The following SERINC5 variants were observed in gnomAD, a reference collection of about 807,000 sequenced individuals.
SERINC5 encodes serine incorporator 5.
A neutral mutation model predicts 63.1 loss-of-function variants in SERINC5; 41 were observed. The observed-to-expected ratio is 0.65, with a 90% CI of 0.51 to 0.84. The LOEUF (loss-of-function observed/expected upper bound fraction) is 0.84. SERINC5 is among the 40% of genes least tolerant of loss of function. The probability of loss-of-function intolerance (pLI) is 0.00; values close to 1 mark genes in which losing one functional copy is unlikely to be tolerated. For synonymous variants in SERINC5, 222 were observed against 215.2 expected (o/e 1.03, Z -0.28); for missense variants, 523 against 573.0 (o/e 0.91, Z 0.89).
At chr5:80,217,892 C>T (rs573111445) in intron 1 of SERINC5, among the ~76,000 whole-genome samples, 1 of 152,168 alleles carries the variant, frequency 6.6e-6, no homozygotes, top group South Asian at 2.1e-4. Flanking sequence ...TGATTTGGCT[C>T]AAGGACAAAT....
chr5:80,177,738 G>A, intron 3 of SERINC5, 148 bp downstream of exon 3: 4 of 665,980 alleles, frequency 6.0e-6, no homozygotes, highest in Non-Finnish European at 1.0e-5. Flanking sequence ...CAACCATGTG[G>A]GTAAGTATCA....
intron 2 of SERINC5, among the ~76,000 whole-genome samples, chr5:80,191,739 A>G (rs1341376267): frequency 1.3e-5 from 2 of 151,822 alleles, no homozygotes; most frequent in African/African-American, 4.8e-5. Context: ...TTATTCCAAA[A>G]TGCCATATAG....
downstream of SERINC5, among the ~76,000 whole-genome samples, chr5:80,135,409 G>A (rs1008556299): frequency 9.2e-5 from 14 of 152,192 alleles, no homozygotes; most frequent in South Asian, 1.0e-3. Context: ...GTCCAGCTGT[G>A]TGTGGATAAG....
chr5:80,215,468 C>G (rs1339778375), intron 1 of SERINC5, among the ~76,000 whole-genome samples: 1 of 152,248 alleles, frequency 6.6e-6, no homozygotes, highest in African/African-American at 2.4e-5. Context: ...TATAGTAATG[C>G]AAGAACAGAT....
At chr5:80,232,099 C>CT (rs777007916) in intron 1 of SERINC5, among the ~76,000 whole-genome samples, 7 of 77,266 alleles carry the variant, frequency 9.1e-5, no homozygotes, top group African/African-American at 7.0e-5. Flanking sequence ...AAGATTCTGT[C>CT]TTAAAAAAAA....
chr5:80,130,934 T>C (rs547617166), intron 11 of SERINC5, among the ~76,000 whole-genome samples: 1 of 152,300 alleles, frequency 6.6e-6, no homozygotes, highest in South Asian at 2.1e-4. Flanking sequence ...AAAATGTATA[T>C]AGTTGGCTGG....
At chr5:80,166,628 C>CTG in intron 6 of SERINC5, 150 bp from the exon 7 acceptor site, 1 of 549,406 alleles carries the variant, frequency 1.8e-6, no homozygotes, top group East Asian at 3.2e-5. Flanking sequence ...GTATGTTTCT[C>CTG]AGATAAAACT....
At chr5:80,231,080 G>GT (rs1328516200) in intron 1 of SERINC5, among the ~76,000 whole-genome samples, 1 of 152,180 alleles carries the variant, frequency 6.6e-6, no homozygotes, top group Non-Finnish European at 1.5e-5. Flanking sequence ...GGGATTACAG[G>GT]TGTGAGCCAC....
At chr5:80,154,896 C>T (rs777297139) in intron 8 of SERINC5, among the ~76,000 whole-genome samples, 32 of 152,094 alleles carry the variant, frequency 2.1e-4, no homozygotes, top group Non-Finnish European at 3.5e-4. Flanking sequence ...AATATAATTA[C>T]GCAAGTCATC....
chr5:80,242,889 T>C (rs1168880068), intron 1 of SERINC5, among the ~76,000 whole-genome samples: 1 of 152,228 alleles, frequency 6.6e-6, no homozygotes, highest in African/African-American at 2.4e-5. Context: ...GGCCTCTGCA[T>C]TCCAGCCTAA....
At chr5:80,121,309 C>A (rs1744534854) in intron 11 of SERINC5, among the ~76,000 whole-genome samples, 1 of 152,136 alleles carries the variant, frequency 6.6e-6, no homozygotes, top group African/African-American at 2.4e-5. Context: ...CCTAAGGGAG[C>A]TTTTACTTAA....
At chr5:80,116,525 CAG>C (rs1315682005) in intron 11 of SERINC5, among the ~76,000 whole-genome samples, 4 of 152,160 alleles carry the variant, frequency 2.6e-5, no homozygotes, top group African/African-American at 9.6e-5. Context: ...GTGGGTGAGG[CAG>C]AGAGTGAGAG....
At chr5:80,145,272 G>A (rs909545696) in intron 11 of SERINC5, among the ~76,000 whole-genome samples, 3 of 152,102 alleles carry the variant, frequency 2.0e-5, no homozygotes, top group East Asian at 1.9e-4. Context: ...TGAACCCAGG[G>A]GCGGAGGTTG....
At chr5:80,154,598 C>T (rs545385152) in intron 8 of SERINC5, among the ~76,000 whole-genome samples, 36 of 151,986 alleles carry the variant, frequency 2.4e-4, no homozygotes, top group African/African-American at 8.4e-4. Flanking sequence ...ATTTCCCCAC[C>T]CCCCCATAAA....
chr5:80,234,003 G>T (rs935113255), intron 1 of SERINC5, among the ~76,000 whole-genome samples: 1 of 151,534 alleles, frequency 6.6e-6, no homozygotes, highest in Non-Finnish European at 1.5e-5. Context: ...GTAGAGACAG[G>T]GTTTCACCAT....
At chr5:80,232,439 T>C (rs1450550703) in intron 1 of SERINC5, among the ~76,000 whole-genome samples, 1 of 146,524 alleles carries the variant, frequency 6.8e-6, no homozygotes, top group African/African-American at 2.5e-5. Flanking sequence ...ACAACCCAAA[T>C]GATCATCAGC....
chr5:80,229,441 G>C (rs112249745), intron 1 of SERINC5, among the ~76,000 whole-genome samples: 2,311 of 142,132 alleles, frequency 0.016, 27 homozygotes, highest in Middle Eastern at 0.079. Context: ...TAAAGTTATT[G>C]AGTAACTAAA....
At chr5:80,133,123 T>A (rs1745013296) in intron 11 of SERINC5, among the ~76,000 whole-genome samples, 1 of 152,166 alleles carries the variant, frequency 6.6e-6, no homozygotes, top group African/African-American at 2.4e-5. Context: ...CTTCTTGCCA[T>A]GTGACGTGCC....
At chr5:80,135,139 C>A (rs1378128219), downstream of SERINC5, among the ~76,000 whole-genome samples, 3 of 152,198 alleles carry the variant, frequency 2.0e-5, no homozygotes, top group African/African-American at 7.2e-5. Flanking sequence ...TCACAACTCA[C>A]TATAACCTCT....
Sources: allele counts gnomAD v4.1 joint callset (sites outside exome capture counted in the v4.1 genomes callset), GRCh38; gene constraint gnomAD v4.1.1; transcripts MANE v1.5; gene names NCBI Gene and HGNC (gene_info 2026-07-23, HGNC 2026-07-21).